Variants in SURF2 observed in about 807,000 individuals in gnomAD.
The protein encoded by SURF2 is surfeit locus protein 2.
A neutral mutation model predicts 26.2 loss-of-function variants in SURF2; 32 were observed. That is an observed-to-expected ratio of 1.22 (90% CI 0.92 to 1.64). The LOEUF (loss-of-function observed/expected upper bound fraction) is 1.64. Ranked by LOEUF, SURF2 falls within the 40% of genes most tolerant of loss-of-function variation. SURF2 has a pLI of 0.00. For missense variants in SURF2, 415 were observed against 341.6 expected (o/e 1.21, Z -1.69); for synonymous variants, 173 against 139.1 (o/e 1.24, Z -1.71).
intron 5 of SURF2, 78 bp downstream of exon 5, chr9:133,360,512 C>G: frequency 7.0e-7 from 1 of 1,427,232 alleles, no homozygotes; most frequent in Non-Finnish European, 9.2e-7. Flanking sequence ...AAAAAGAAAA[C>G]TGAACCTTTT....
Position 133,357,726 on chromosome 9 carries a change from C to G in SURF2, c.249C>G (p.Cys83Trp), listed in dbSNP as rs1836646119. 7 of 1,613,812 alleles carry G rather than the reference C, an allele frequency of 4.3e-6. No homozygotes were observed. Among genetic ancestry groups the G allele is most frequent in the Non-Finnish European group, 5.9e-6 (7 of 1,180,018 alleles). The change falls in exon 3 of 6, where the codon TGC becomes TGG. Residue 83 changes from cysteine (C) to tryptophan (W), a missense_variant. Coordinates refer to ENST00000371964, the MANE Select transcript of SURF2 (RefSeq NM_017503.5). ...TGCTCTGTAGGCACCAGTTGTTCTG[C>G]AAACTCACCCTGCGGCACATCAACA... Reference protein sequence around the residue: ...PSTKNPHQLFCKLTLRHINKC... With the variant: ...PSTKNPHQLFWKLTLRHINKC...
chr9:133,360,647 G>A (rs2130053584), intron 5 of SURF2, among the ~76,000 whole-genome samples: 8 of 152,254 alleles, frequency 5.3e-5, no homozygotes, highest in Non-Finnish European at 8.8e-5. Flanking sequence ...CAGGCTCTGT[G>A]GACCACGGTC....
rs2130027911 is a variant in SURF2, at chr9:133,356,558, G to T, written c.-35G>T. ...GCCCCCGGCTCCAGGTTCTGCGAGC[G>T]GCTTCCGCCGGGCTGCTCCGCGGGC... On this transcript the variant is annotated 5_prime_UTR_variant, in exon 1 of 6. Transcript: ENST00000371964. The T allele has an allele frequency of 2.7e-6, 4 of 1,502,512 alleles. No individual in the cohort carries two copies. The highest frequency in any genetic ancestry group is 3.5e-6 in the Non-Finnish European group (4 of 1,133,808). 93.1% of individuals were successfully genotyped at this position (1,502,512 alleles called of 1,614,324 possible). A position where few individuals can be genotyped will look rare whatever the true frequency, so the allele number is the denominator to read the frequency against.
intron 3 of SURF2, among the ~76,000 whole-genome samples, chr9:133,358,625 G>A (rs1488436737): frequency 2.0e-5 from 3 of 152,134 alleles, no homozygotes; most frequent in Admixed American, 6.5e-5. Flanking sequence ...AAGTCCTCCC[G>A]TGGTACTGAA....
chr9:133,358,598 C>T (rs1836672773), intron 3 of SURF2, among the ~76,000 whole-genome samples: 1 of 152,078 alleles, frequency 6.6e-6, no homozygotes, highest in Admixed American at 6.5e-5. Flanking sequence ...TGGTCCTGAG[C>T]CCCAGGAAGA....
Position 133,357,692 on chromosome 9 carries a change from T to A in SURF2, c.234-19T>A, listed in dbSNP as rs2130035484. On this transcript the variant is annotated intron_variant, in intron 2 of 5. Transcript: ENST00000371964. ...TTGCTGTGAACTGTCCCTACAAATT[T>A]GGTCTCTCTGCTCTGTAGGCACCAG... 3 of 1,612,054 alleles carry A rather than the reference T, an allele frequency of 1.9e-6. No homozygotes were observed. The highest frequency in any genetic ancestry group is 1.7e-6 in the Non-Finnish European group (2 of 1,178,560).
Position 133,360,086 on chromosome 9 carries a change from G to C in SURF2, c.474G>C (p.Glu158Asp), listed in dbSNP as rs2130047550. The change falls in exon 4 of 6, where the codon GAG becomes GAC. Residue 158 changes from glutamate (E) to aspartate (D), a missense_variant. Coordinates refer to ENST00000371964, the MANE Select transcript of SURF2 (RefSeq NM_017503.5). Reference sequence around the variant, plus strand: ...TCTGGGAGCCCACATCCAGTGATGAGGGGGGAGCTGCAAGTGATGACAGCA... The same window carrying C: ...TCTGGGAGCCCACATCCAGTGATGACGGGGGAGCTGCAAGTGATGACAGCA... The part of the protein sequence containing the change: ...EAFWEPTSSD[E>D]GGAASDDSMT... The C allele has an allele frequency of 1.9e-6, 3 of 1,613,446 alleles. No homozygotes were observed. The highest frequency in any genetic ancestry group is 1.1e-5 in the South Asian group (1 of 90,986).
At position 133,356,606 on chromosome 9, in the gene SURF2, CG is replaced by C; in HGVS notation, c.17del (p.Gly6AlafsTer22). The C allele has an allele frequency of 6.6e-7, 1 of 1,524,890 alleles. No homozygotes were observed. The highest frequency in any genetic ancestry group is 8.7e-7 in the Non-Finnish European group (1 of 1,143,170). 94.5% of individuals were successfully genotyped at this position (1,524,890 alleles called of 1,614,324 possible). On this transcript the variant is annotated frameshift_variant, in exon 1 of 6. Transcript: ENST00000371964. LOFTEE classifies it high-confidence loss of function. ...GGCGCGTCGGCCATGAGCGAGTTGCCGGGCGACGTGCGGGCGTTTCTGCGGG... is the reference window on the plus strand; with the variant it reads ...GGCGCGTCGGCCATGAGCGAGTTGCCGGCGACGTGCGGGCGTTTCTGCGGG... MSEL[P>X]GDVRAFLREH...
At chr9:133,358,997 C>T (rs1291541699) in intron 3 of SURF2, among the ~76,000 whole-genome samples, 1 of 152,218 alleles carries the variant, frequency 6.6e-6, no homozygotes, top group African/African-American at 2.4e-5. Flanking sequence ...TTGCAGAGGC[C>T]TTGCAGGCAC....
In SURF2 at chr9:133,360,353, A is replaced by C. The variant is rs2130050300; in HGVS notation, c.606A>C (p.Ala202=). 1 of 1,614,148 alleles carries C rather than the reference A, an allele frequency of 6.2e-7. No homozygotes were observed. The highest frequency in any genetic ancestry group is 1.1e-5 in the South Asian group (1 of 91,092). The stretch of plus-strand genomic sequence containing the variant: ...TGACAGACAAAGAGGATGAGAAGGC[A>C]AAGCCCCCAAGAGAGAAGGCCACTG... ...DFLTDKEDEK[A]KPPREKATDE... is the part of the protein sequence containing the mutation. Residue 202 remains alanine (A), a synonymous_variant, in exon 5 of 6, where the codon GCA becomes GCC. Transcript: ENST00000371964.
rs2130044570 is a variant in SURF2, at chr9:133,359,905, G to A, written c.338-45G>A. 7.0e-4 allele frequency: 1,091 copies of A among 1,560,040 alleles called. 4 individuals carry two copies. Among genetic ancestry groups the A allele is most frequent in the Middle Eastern group, 1.4e-3 (8 of 5,604 alleles). On this transcript the variant is annotated intron_variant, in intron 3 of 5. Transcript: ENST00000371964. Reference sequence around the variant, plus strand: ...TAAGTTAGCTGTGGCCCAGAGGACCGTGGGGGGTGTGGAGGTACCCAGCAC... The same window carrying A: ...TAAGTTAGCTGTGGCCCAGAGGACCATGGGGGGTGTGGAGGTACCCAGCAC...
intron 3 of SURF2, 73 bp downstream of exon 3, chr9:133,357,887 C>A: frequency 6.8e-7 from 1 of 1,470,966 alleles, no homozygotes; most frequent in Non-Finnish European, 9.4e-7. Context: ...ATGGAGCGTG[C>A]TTGAAGGCAG....
Position 133,357,038 on chromosome 9 carries a change from A to G in SURF2, c.203A>G (p.Glu68Gly). ...ASPAFDYAEF[E>G]PHIVPSTKNP... is the part of the protein sequence containing the mutation. The stretch of plus-strand genomic sequence containing the variant: ...CCGGCCTTCGACTATGCAGAGTTCG[A>G]GCCGCACATCGTGCCCAGCACCAAG... The change falls in exon 2 of 6, where the codon GAG (glutamate) becomes GGG (glycine). Residue 68 changes from glutamate to glycine, a missense_variant. Coordinates refer to ENST00000371964, the MANE Select transcript of SURF2 (RefSeq NM_017503.5). 6.3e-7 allele frequency: 1 copy of G among 1,578,898 alleles called. No homozygotes were observed. The highest frequency in any genetic ancestry group is 8.6e-7 in the Non-Finnish European group (1 of 1,163,986).
intron 3 of SURF2, among the ~76,000 whole-genome samples, chr9:133,359,654 G>C (rs2130043208): frequency 0.056 from 8,529 of 152,344 alleles, 332 homozygotes; most frequent in Non-Finnish European, 0.087. Context: ...AGTTGGCCTT[G>C]GGCCTGGTCA....
rs1836731037 is a variant in SURF2, at chr9:133,360,338, AGAG to A, written c.594_596del (p.Glu198del). 1 of 1,614,172 alleles carries A rather than the reference AGAG, an allele frequency of 6.2e-7. No homozygotes were observed. The highest frequency in any genetic ancestry group is 2.2e-5 in the East Asian group (1 of 44,878). ...GCACTGATGACTTTTTGACAGACAA[AGAG>A]GATGAGAAGGCAAAGCCCCCAAGAG... On this transcript the variant is annotated inframe_deletion, in exon 5 of 6. Coordinates refer to ENST00000371964, the MANE Select transcript of SURF2 (RefSeq NM_017503.5).
chr9:133,360,927 G>A (rs1301454440), intron 5 of SURF2, 129 bp from the exon 6 acceptor site: 1 of 929,454 alleles, frequency 1.1e-6, no homozygotes, highest in African/African-American at 1.7e-5. Context: ...AAACGGGGGT[G>A]GAGAAAGCCT....
At chr9:133,358,105 TG>T (rs1836658420) in intron 3 of SURF2, among the ~76,000 whole-genome samples, 1 of 151,890 alleles carries the variant, frequency 6.6e-6, no homozygotes. Flanking sequence ...ACAGGAGGGC[TG>T]GGGAGACTCG....
Position 133,357,700 on chromosome 9 carries a change from C to A in SURF2, c.234-11C>A, listed in dbSNP as rs2130035631. 1 of 1,613,592 alleles carries A rather than the reference C, an allele frequency of 6.2e-7. No individual in the cohort carries two copies. The highest frequency in any genetic ancestry group is 1.1e-5 in the South Asian group (1 of 91,080). On this transcript the variant is annotated splice_polypyrimidine_tract_variant and intron_variant, in intron 2 of 5. Coordinates refer to ENST00000371964, the MANE Select transcript of SURF2 (RefSeq NM_017503.5). ...AACTGTCCCTACAAATTTGGTCTCT[C>A]TGCTCTGTAGGCACCAGTTGTTCTG...
At position 133,357,779 on chromosome 9, in the gene SURF2, C is replaced by G. The variant is rs2130036440; in HGVS notation, c.302C>G (p.Thr101Ser). 9.3e-6 allele frequency: 15 copies of G among 1,613,748 alleles called. No homozygotes were observed. In the African/African-American group the frequency reaches 1.9e-4, roughly 20 times the overall value. The change falls in exon 3 of 6, where the codon ACC becomes AGC. Residue 101 changes from threonine (T) to serine (S), a missense_variant. By Grantham distance (58) the Thr-to-Ser change is moderately conservative (BLOSUM62 1). Transcript: ENST00000371964. ...NKCPEHVLRH[T>S]QGRRYQRALC... ...TGCCCAGAACACGTGCTGAGGCACA[C>G]CCAGGGCCGGCGGTACCAGCGAGCT...
Sources: allele counts gnomAD v4.1 joint callset (sites outside exome capture counted in the v4.1 genomes callset), GRCh38; gene constraint gnomAD v4.1.1; transcripts MANE v1.5; gene names NCBI Gene and HGNC (gene_info 2026-07-23, HGNC 2026-07-21).